Variants in CPM observed in about 807,000 individuals in gnomAD.
The protein encoded by CPM is renal carboxypeptidase.
CPM carries 35 observed loss-of-function variants against 46.4 expected under a neutral mutation model. The observed-to-expected ratio is 0.75, with a 90% CI of 0.58 to 1.00. CPM has a LOEUF of 1.00. CPM is among the 50% of genes least tolerant of loss of function. The probability of loss-of-function intolerance (pLI) is 0.00; values close to 1 mark genes in which losing one functional copy is unlikely to be tolerated. For missense variants in CPM, 422 were observed against 530.4 expected (o/e 0.80, Z 2.01); for synonymous variants, 195 against 195.3 (o/e 1.00, Z 0.01).
intron 3 of CPM, among the ~76,000 whole-genome samples, chr12:68,874,725 T>G (rs1391648434): frequency 1.3e-5 from 2 of 152,090 alleles, no homozygotes; most frequent in African/African-American, 4.8e-5. Flanking sequence ...AGTCCCATAG[T>G]TCCTTAAATG....
chr12:68,899,069 T>C (rs762746596), intron 2 of CPM, among the ~76,000 whole-genome samples: 3 of 152,178 alleles, frequency 2.0e-5, no homozygotes, highest in Non-Finnish European at 4.4e-5. Context: ...TGCCAATTTG[T>C]TATGCCAAGA....
chr12:68,858,301 C>G (rs1885060399), intron 8 of CPM, among the ~76,000 whole-genome samples: 1 of 152,194 alleles, frequency 6.6e-6, no homozygotes, highest in Non-Finnish European at 1.5e-5. Flanking sequence ...TATATCAATA[C>G]TTATTCATTT....
chr12:68,944,544 C>T, intron 1 of CPM, among the ~76,000 whole-genome samples: 1 of 152,072 alleles, frequency 6.6e-6, no homozygotes, highest in Non-Finnish European at 1.5e-5. Flanking sequence ...GTTGGGACTA[C>T]AGACACATGC....
At chr12:68,900,854 G>T (rs1887083052) in intron 2 of CPM, among the ~76,000 whole-genome samples, 1 of 152,206 alleles carries the variant, frequency 6.6e-6, no homozygotes, top group African/African-American at 2.4e-5. Flanking sequence ...AAGATCAGTG[G>T]TTGCCAAAGG....
chr12:68,906,883 G>A (rs1416917326), intron 2 of CPM, among the ~76,000 whole-genome samples: 1 of 152,224 alleles, frequency 6.6e-6, no homozygotes, highest in Non-Finnish European at 1.5e-5. Flanking sequence ...TTGTATAAAT[G>A]TAAATCATTC....
intron 1 of CPM, among the ~76,000 whole-genome samples, chr12:68,958,515 C>T (rs1333138970): frequency 6.6e-6 from 1 of 152,120 alleles, no homozygotes; most frequent in African/African-American, 2.4e-5. Flanking sequence ...TGACTCTCCA[C>T]CCACCCCAAC....
chr12:68,956,609 G>A lies in CPM; in HGVS notation c.-4+6560C>T, dbSNP rs143409955. 1.4e-3 allele frequency among the ~76,000 whole-genome samples: 216 copies of A among 152,168 alleles called. 1 individual carries two copies. Among genetic ancestry groups the A allele is most frequent in the Middle Eastern group, 0.01 (3 of 294 alleles). ...GTTTAATCATCACAACCCATTGGCC[G>A]AAGGACCTGTGCTTGATTATCCCCA... On this transcript the variant is annotated intron_variant, in intron 1 of 8. Transcript: ENST00000546373.
Position 68,885,927 on chromosome 12 carries a change from G to T in CPM, c.161-38C>A, listed in dbSNP as rs758810327. ...AGAAGAAAAGATGGAAAAGTAAGTT[G>T]TCTCTTAAAATGACAAATGAACTCT... On this transcript the variant is annotated intron_variant, in intron 2 of 8. Coordinates refer to ENST00000551568, the MANE Select transcript of CPM (RefSeq NM_198320.5). The T allele has an allele frequency of 1.4e-5, 22 of 1,564,632 alleles. No homozygotes were observed. In the African/African-American group the frequency reaches 1.5e-4, roughly 11 times the overall value.
exon 1 of CPM, chr12:68,963,252 G>A (rs1889152068): frequency 5.0e-6 from 1 of 198,384 alleles, no homozygotes; most frequent in Non-Finnish European, 9.9e-6. Context: ...GCTCAGAGAG[G>A]CCAAGAAGAA....
At chr12:68,936,418 C>G (rs2136327992), upstream of CPM, among the ~76,000 whole-genome samples, 1 of 152,092 alleles carries the variant, frequency 6.6e-6, no homozygotes, top group African/African-American at 2.4e-5. Context: ...GAGTCTTGCT[C>G]TGTTGCCCAG....
chr12:68,894,241 G>A (rs1224832171), intron 2 of CPM, among the ~76,000 whole-genome samples: 2 of 152,224 alleles, frequency 1.3e-5, no homozygotes, highest in African/African-American at 4.8e-5. Flanking sequence ...CAAGGGCACT[G>A]CCTGGTGTGT....
chr12:68,842,253 G>T (rs1189590505), exon 6 of CPM: 1 of 497,014 alleles, frequency 2.0e-6, no homozygotes, highest in African/African-American at 1.9e-5. Context: ...TCAAGAAAAA[G>T]GACTACGGAA....
At chr12:68,846,417 T>G (rs1884302243), downstream of CPM, 1 of 152,196 alleles carries the variant, frequency 6.6e-6, no homozygotes, top group Non-Finnish European at 1.5e-5. Context: ...TTATTCCATT[T>G]ATTTTGTAGG....
intron 8 of CPM, 53 bp downstream of exon 8, chr12:68,858,870 G>A (rs537248599): frequency 4.4e-6 from 5 of 1,138,954 alleles, no homozygotes; most frequent in East Asian, 2.9e-5. Context: ...GGGTGAATAA[G>A]TATTATGAGT....
intron 1 of CPM, among the ~76,000 whole-genome samples, chr12:68,943,531 C>T (rs1419740069): frequency 6.6e-6 from 1 of 152,168 alleles, no homozygotes; most frequent in African/African-American, 2.4e-5. Context: ...CCTTTATCAA[C>T]CATAAATTTG....
At chr12:68,885,447 T>A (rs531599219) in intron 3 of CPM, among the ~76,000 whole-genome samples, 2 of 152,228 alleles carry the variant, frequency 1.3e-5, no homozygotes, top group African/African-American at 2.4e-5. Flanking sequence ...GTCACCTTCA[T>A]GCTGACCAGG....
At chr12:68,872,247 G>C (rs545290431) in intron 3 of CPM, among the ~76,000 whole-genome samples, 3 of 132,454 alleles carry the variant, frequency 2.3e-5, no homozygotes, top group East Asian at 4.4e-4. Context: ...TGCTGCTGCT[G>C]CTTCCTTTTT....
rs146351547 is a variant in CPM, at chr12:68,945,898, G to T, written c.-3-13058C>A. On this transcript the variant is annotated intron_variant, in intron 1 of 8. Transcript: ENST00000546373. ...GACAGTGTCTCACTCTGTTGCCCAG[G>T]CTGGAGTGCAGTGGCATGATCAGAG... Among the ~76,000 whole-genome samples the T allele has an allele frequency of 5.9e-3, 833 of 140,966 alleles. 4 individuals carry two copies. The highest frequency in any genetic ancestry group is 0.012 in the Middle Eastern group (3 of 256). 92.5% of individuals were successfully genotyped at this position (140,966 alleles called of 152,430 possible).
At chr12:68,899,079 A>G (rs2136275635) in intron 2 of CPM, among the ~76,000 whole-genome samples, 1 of 152,354 alleles carries the variant, frequency 6.6e-6, no homozygotes, top group African/African-American at 2.4e-5. Context: ...TTATGCCAAG[A>G]GACAGCAGAA....
Sources: gnomAD v4.1 joint callset for allele counts (sites outside exome capture counted in the v4.1 genomes callset) on GRCh38, gnomAD v4.1.1 for gene constraint, MANE v1.5 for transcripts, NCBI Gene and HGNC (gene_info 2026-07-23, HGNC 2026-07-21) for gene names.